RASGRF1: variants seen among roughly 807,000 people sequenced by gnomAD.
The protein encoded by RASGRF1 is ras-specific guanine nucleotide-releasing factor 1.
Under a neutral mutation model 138.7 loss-of-function variants are expected in RASGRF1, and 40 were observed. That is an observed-to-expected ratio of 0.29 (90% CI 0.22 to 0.38). The LOEUF is 0.38. Ranked by LOEUF, RASGRF1 falls within the 10% of genes least tolerant of loss-of-function variation. The pLI is 1.00. For missense variants in RASGRF1, 1,108 were observed against 1,650.4 expected (o/e 0.67, Z 5.69); for synonymous variants, 614 against 663.2 (o/e 0.93, Z 1.14).
chr15:79,027,981 T>A lies in RASGRF1; in HGVS notation c.1263-122A>T, dbSNP rs2057084368. ...CTGGCACAAGGATTCTCAGGTGGAGTCTGTGGTCATGGAGGGGAAGGGAGT... is the reference window on the plus strand; with the variant it reads ...CTGGCACAAGGATTCTCAGGTGGAGACTGTGGTCATGGAGGGGAAGGGAGT... On this transcript the variant is annotated intron_variant, in intron 8 of 26. Transcript: ENST00000558480. The surrounding 1 kb of genome is among the most constrained non-coding windows in gnomAD (Gnocchi z 4.8). The A allele has an allele frequency of 1.0e-6, 1 of 1,001,028 alleles. No homozygotes were observed. Among genetic ancestry groups the A allele is most frequent in the African/African-American group, 1.6e-5 (1 of 62,990 alleles). The allele number at this position is 1,001,028 out of a possible 1,614,324, so 62.0% of individuals were successfully genotyped here.
At chr15:78,965,452 G>T (rs1224501113) in intron 26 of RASGRF1, among the ~76,000 whole-genome samples, 3 of 152,128 alleles carry the variant, frequency 2.0e-5, no homozygotes. Context: ...ACTCATGTAT[G>T]CATGAGTTCT....
At chr15:79,059,161 TC>T (rs777095464) in intron 2 of RASGRF1, among the ~76,000 whole-genome samples, 45 of 149,606 alleles carry the variant, frequency 3.0e-4, no homozygotes, top group Non-Finnish European at 5.2e-4. Flanking sequence ...TCCCTATCCT[TC>T]CCTTCCCTTC....
chr15:78,995,225 G>A (rs2056365661), intron 20 of RASGRF1, among the ~76,000 whole-genome samples: 1 of 150,196 alleles, frequency 6.7e-6, no homozygotes, highest in African/African-American at 2.5e-5. Context: ...CACCACGCCT[G>A]GCCTCCCTCT....
chr15:78,969,807 T>C (rs1187121454), intron 26 of RASGRF1, among the ~76,000 whole-genome samples: 1 of 152,208 alleles, frequency 6.6e-6, no homozygotes, highest in Non-Finnish European at 1.5e-5. Flanking sequence ...TTTTGCCTCT[T>C]AGTCTATTTC....
chr15:79,012,738 A>C (rs186268018), intron 13 of RASGRF1, among the ~76,000 whole-genome samples: 1 of 152,140 alleles, frequency 6.6e-6, no homozygotes, highest in Non-Finnish European at 1.5e-5. Flanking sequence ...GCTGGAGTGC[A>C]GTGGTGAGGT....
chr15:79,090,168 GC>G, intron 1 of RASGRF1, 54 bp downstream of exon 1: 2 of 1,513,316 alleles, frequency 1.3e-6, no homozygotes, highest in Non-Finnish European at 1.8e-6. Flanking sequence ...AAGGCCCTGA[GC>G]CCCCAGGGCC....
intron 2 of RASGRF1, among the ~76,000 whole-genome samples, chr15:79,060,181 A>T (rs11633133): frequency 0.81 from 122,864 of 152,146 alleles, 49,885 homozygotes; most frequent in East Asian, 0.93. Flanking sequence ...ATGGCTGATG[A>T]TGATGTTGAC....
chr15:78,971,778 G>A (rs966731181), intron 26 of RASGRF1, 88 bp downstream of exon 26: 6 of 1,212,206 alleles, frequency 4.9e-6, no homozygotes, highest in African/African-American at 1.5e-5. Context: ...AAGGGAAAGT[G>A]GACGGGTATG....
intron 17 of RASGRF1, 63 bp from the exon 18 acceptor site, chr15:78,998,888 T>A: frequency 1.5e-6 from 2 of 1,363,064 alleles, no homozygotes; most frequent in Non-Finnish European, 2.1e-6. Context: ...AGCTTGACAC[T>A]AGTCTGGATT....
chr15:79,040,476 CCT>C (rs1026647668), intron 5 of RASGRF1, among the ~76,000 whole-genome samples: 1 of 152,168 alleles, frequency 6.6e-6, no homozygotes, highest in African/African-American at 2.4e-5. Context: ...GTAGGAACTG[CCT>C]CTGTCTGTCT....
At chr15:79,051,371 C>T (rs1025858932) in intron 3 of RASGRF1, among the ~76,000 whole-genome samples, 1 of 152,226 alleles carries the variant, frequency 6.6e-6, no homozygotes. Flanking sequence ...TCCCCACCCC[C>T]TCCCCCTTTT....
At chr15:79,049,625 T>A (rs202223848) in intron 3 of RASGRF1, 37 bp from the exon 4 acceptor site, 1 of 1,575,194 alleles carries the variant, frequency 6.3e-7, no homozygotes, top group East Asian at 2.3e-5. Flanking sequence ...TGAGGGGCGC[T>A]GGCTCACAGA....
In RASGRF1 at chr15:79,032,913, C is replaced by T. The variant is rs1055575243; in HGVS notation, c.959-597G>A. ...CCACCCTCCCTCCTGCAGTCTCCGT[C>T]CTGAGACAGAAGTGGCCTATCTGAG... On this transcript the variant is annotated intron_variant, in intron 6 of 26. Coordinates refer to ENST00000558480, the MANE Select transcript of RASGRF1 (RefSeq NM_001145648.3). This position sits in a 1 kb window ranked among gnomAD's most constrained non-coding sequence, Gnocchi z 4.5. Among the ~76,000 whole-genome samples, 5 of 152,206 alleles carry T rather than the reference C, an allele frequency of 3.3e-5. No individual in the cohort carries two copies. The highest frequency in any genetic ancestry group is 9.6e-5 in the African/African-American group (4 of 41,452).
At chr15:78,991,127 G>C (rs2056259023) in intron 21 of RASGRF1, among the ~76,000 whole-genome samples, 1 of 152,266 alleles carries the variant, frequency 6.6e-6, no homozygotes, top group Admixed American at 6.5e-5. Flanking sequence ...TCGTGGCTTA[G>C]TAACACACTG....
chr15:79,039,682 G>A (rs1374984556), intron 5 of RASGRF1, among the ~76,000 whole-genome samples: 2 of 152,142 alleles, frequency 1.3e-5, no homozygotes, highest in Non-Finnish European at 2.9e-5. Context: ...CATAGGTCCT[G>A]TGTTTCTTCC....
At chr15:79,003,771 G>A (rs776354996) in intron 15 of RASGRF1, 31 bp downstream of exon 15, 1 of 1,552,260 alleles carries the variant, frequency 6.4e-7, no homozygotes, top group South Asian at 1.2e-5. Flanking sequence ...CTGGGAGGCT[G>A]GGGGGCAGCT....
chr15:79,090,407 T>C lies in RASGRF1; in HGVS notation c.92A>G (p.Lys31Arg), dbSNP rs2058039781. 6.2e-7 allele frequency: 1 copy of C among 1,613,446 alleles called. No homozygotes were observed. The highest frequency in any genetic ancestry group is 8.5e-7 in the Non-Finnish European group (1 of 1,179,986). ...CCATTTTGTGTTGTCCGAACTCCGC[T>C]TGCTCAGGTAGCCTTTGCGCGTGCC... The part of the protein sequence containing the change: ...KDGTRKGYLS[K>R]RSSDNTKWQT... The change falls in exon 1 of 27, where the codon AAG (lysine) becomes AGG (arginine). Residue 31 changes from lysine to arginine, a missense_variant. By Grantham distance (26) the Lys-to-Arg change is conservative (BLOSUM62 2). This residue lies in a region of RASGRF1 where 253 missense variants were observed against 329.5 expected (regional missense o/e 0.77). Transcript: ENST00000558480.
intron 26 of RASGRF1, among the ~76,000 whole-genome samples, chr15:78,966,476 G>T (rs1168356528): frequency 6.6e-6 from 1 of 151,994 alleles, no homozygotes; most frequent in Non-Finnish European, 1.5e-5. Flanking sequence ...CTGGCCTCAA[G>T]CAATTCTCCT....
At chr15:79,070,199 T>C (rs2057736551) in intron 1 of RASGRF1, among the ~76,000 whole-genome samples, 2 of 152,342 alleles carry the variant, frequency 1.3e-5, no homozygotes, top group South Asian at 2.1e-4. Context: ...CCGTTGATCT[T>C]CTGGGACTTT....
Sources: gnomAD v4.1 joint callset for allele counts (sites outside exome capture counted in the v4.1 genomes callset) on GRCh38, gnomAD v4.1.1 for gene constraint, gnomAD v4.1.1 regional missense constraint, Gnocchi (gnomAD v3.1) non-coding constraint, MANE v1.5 for transcripts, NCBI Gene and HGNC (gene_info 2026-07-23, HGNC 2026-07-21) for gene names.